The following WDR90 variants were observed in gnomAD, a reference collection of about 807,000 sequenced individuals.
WDR90 encodes the protein WD repeat-containing protein 90.
WDR90 carries 238 observed loss-of-function variants against 195.2 expected under a neutral mutation model. The observed-to-expected ratio is 1.22, with a 90% CI of 1.10 to 1.36. The LOEUF (loss-of-function observed/expected upper bound fraction) is 1.36. WDR90 is among the 40% of genes most tolerant of loss of function. The pLI is 0.00. For missense variants in WDR90, 2,734 were observed against 2,439.5 expected, an observed-to-expected ratio of 1.12 and a Z score of -2.54; for synonymous variants, 1,265 against 1,052.4, an observed-to-expected ratio of 1.20 and a Z score of -3.91.
At chr16:657,315 C>T (rs1447877462) in intron 20 of WDR90, 94 bp downstream of exon 20, 2 of 1,439,828 alleles carry the variant, frequency 1.4e-6, no homozygotes, top group East Asian at 5.0e-5. Flanking sequence ...TGCCGGTTTC[C>T]TGGTGCACCG....
At chr16:663,138 G>T in intron 34 of WDR90, 1 of 529,754 alleles carries the variant, frequency 1.9e-6, no homozygotes, top group Non-Finnish European at 3.6e-6. Context: ...TTTTGTAATT[G>T]TCAAAGAAAT....
intron 33 of WDR90, 33 bp from the exon 34 acceptor site, chr16:662,646 T>C (rs1244125911): frequency 1.3e-6 from 2 of 1,519,568 alleles, no homozygotes; most frequent in Non-Finnish European, 1.8e-6. Context: ...TTGAGACCCA[T>C]TGTTCTCTCC....
chr16:660,857 G>A, intron 28 of WDR90, 143 bp downstream of exon 28: 2 of 1,016,770 alleles, frequency 2.0e-6, no homozygotes, highest in Non-Finnish European at 2.7e-6. Flanking sequence ...GCGCCTCCTG[G>A]CGCTCCAGCC....
rs1490100156 is a variant in WDR90, at chr16:650,164, C to A, written c.276C>A (p.Ser92=). The A allele has an allele frequency of 3.7e-6, 6 of 1,612,790 alleles. No individual in the cohort carries two copies. Among genetic ancestry groups the A allele is most frequent in the Middle Eastern group, 3.3e-4 (2 of 6,062 alleles). ...KHFVIHLDVS[S]KDNQVIRVSF... ...TCGTCATCCACCTCGATGTGTCCTC[C>A]AAGGTACGGAGCCCGCGGCTGGGGG... Residue 92 remains serine, a synonymous_variant, in exon 3 of 41, where the codon TCC becomes TCA. Transcript: ENST00000293879.
chr16:660,899 G>A (rs1159942059), intron 28 of WDR90, 152 bp from the exon 29 acceptor site: 25 of 703,372 alleles, frequency 3.6e-5, no homozygotes, highest in Middle Eastern at 4.1e-4. Flanking sequence ...GCTACTGGAC[G>A]CTGGGGAGGG....
chr16:659,121 A>G lies in WDR90; in HGVS notation c.3047A>G (p.Lys1016Arg). The G allele has an allele frequency of 3.7e-6, 6 of 1,611,774 alleles. No homozygotes were observed. Among genetic ancestry groups the G allele is most frequent in the Non-Finnish European group, 4.2e-6 (5 of 1,179,840 alleles). Residue 1016 changes from lysine to arginine, a missense_variant, in exon 25 of 41, where the codon AAG becomes AGG. By Grantham distance (26) the Lys-to-Arg change is conservative. Coordinates refer to ENST00000293879, the MANE Select transcript of WDR90 (RefSeq NM_145294.5). ...TTCCCCGGGGCCCCCCCAGCCTGCA[A>G]GACAGGTGAGTGGCTGTGCTCAGCT... is the stretch of plus-strand genomic sequence containing the variant. The part of the protein sequence containing the change: ...QSFPGAPPAC[K>R]TGPGAGPLED...
chr16:657,148 C>G lies in WDR90; in HGVS notation c.2400C>G (p.Phe800Leu), dbSNP rs1371643750. The G allele has an allele frequency of 1.3e-6, 2 of 1,570,748 alleles. No individual in the cohort carries two copies. The highest frequency in any genetic ancestry group is 1.8e-5 in the Admixed American group (1 of 54,198). The change falls in exon 20 of 41, where the codon TTC becomes TTG. Residue 800 changes from phenylalanine to leucine, a missense_variant. Transcript: ENST00000293879. Reference sequence around the variant, plus strand: ...CCACCCCTGACGGCCGCCTGCTCTTCAGCTCCTGCTCCCAGGGCTCCCTGG... The same window carrying G: ...CCACCCCTGACGGCCGCCTGCTCTTGAGCTCCTGCTCCCAGGGCTCCCTGG... ...LTATPDGRLL[F>L]SSCSQGSLAQ...
rs372455627 is a variant in WDR90, at chr16:662,254, C to A, written c.4068C>A (p.Ser1356Arg). The A allele has an allele frequency of 5.7e-6, 9 of 1,583,240 alleles. No homozygotes were observed. The highest frequency in any genetic ancestry group is 7.7e-6 in the Non-Finnish European group (9 of 1,165,924). The change falls in exon 33 of 41, where the codon AGC becomes AGA. Residue 1356 changes from serine (S) to arginine (R), a missense_variant. Transcript: ENST00000293879. ...LLLFSGSRLV[S>R]GSSTGRLRLW... The stretch of plus-strand genomic sequence containing the variant: ...TGTTCTCGGGTTCTCGATTGGTCAG[C>A]GGCAGCAGCACGGGGCGGCTGCGCC...
chr16:661,473 A>C lies in WDR90; in HGVS notation c.3645A>C (p.Ser1215=). 6.2e-7 allele frequency: 1 copy of C among 1,608,954 alleles called. No homozygotes were observed. Among genetic ancestry groups the C allele is most frequent in the South Asian group, 1.1e-5 (1 of 90,836 alleles). The part of the protein sequence containing the change: ...HSTTVLALAF[S]PDDRLLVTLG... ...CCACCGTGCTGGCCCTGGCCTTCTC[A>C]CCAGATGACAGGCTTCTTGTCACAC... is the stretch of plus-strand genomic sequence containing the variant. Residue 1215 remains serine (S), a synonymous_variant, in exon 30 of 41, where the codon TCA becomes TCC. Transcript: ENST00000293879.
chr16:657,342 GGGCGT>G, intron 20 of WDR90, 121 bp downstream of exon 20: 1 of 1,390,562 alleles, frequency 7.2e-7, no homozygotes, highest in Non-Finnish European at 9.5e-7. Flanking sequence ...TCCTGTGGGG[GGGCGT>G]GGCCGCCTCA....
Position 658,971 on chromosome 16 carries a change from G to A in WDR90, c.2971G>A (p.Asp991Asn), listed in dbSNP as rs533173769. 2 of 1,612,874 alleles carry A rather than the reference G, an allele frequency of 1.2e-6. No homozygotes were observed. Among genetic ancestry groups the A allele is most frequent in the East Asian group, 2.2e-5 (1 of 44,880 alleles). ...PDQQQVLSAG[D>N]AVFLWDVLAP... ...CCAGCAGCAGGTCCTCAGCGCAGGGGACGCCGTCTTCCTCTGGGATGTCCT... is the reference window on the plus strand; with the variant it reads ...CCAGCAGCAGGTCCTCAGCGCAGGGAACGCCGTCTTCCTCTGGGATGTCCT... The change falls in exon 24 of 41, where the codon GAC becomes AAC. Residue 991 changes from aspartate to asparagine, a missense_variant. Transcript: ENST00000293879.
In WDR90 at chr16:651,181, C is replaced by G. The variant is rs1347576859; in HGVS notation, c.669-18C>G. ...GCCCTTGGGCCCCCAGACACTGACT[C>G]TCCCTCTGCCTGCCAAGGTTTCCAA... is the stretch of plus-strand genomic sequence containing the variant. On this transcript the variant is annotated intron_variant, in intron 6 of 40. Coordinates refer to ENST00000293879, the MANE Select transcript of WDR90 (RefSeq NM_145294.5). The G allele has an allele frequency of 1.9e-6, 3 of 1,613,224 alleles. No homozygotes were observed. Among genetic ancestry groups the G allele is most frequent in the Non-Finnish European group, 2.5e-6 (3 of 1,179,990 alleles).
intron 26 of WDR90, among the ~76,000 whole-genome samples, chr16:659,601 C>G (rs556907914): frequency 6.6e-6 from 1 of 151,090 alleles, no homozygotes; most frequent in South Asian, 2.1e-4. Flanking sequence ...TTTCCTCTCC[C>G]CCTTGGCCCC....
At chr16:665,487 C>T in intron 34 of WDR90, 192 bp from the exon 35 acceptor site, 1 of 845,658 alleles carries the variant, frequency 1.2e-6, no homozygotes. Context: ...TTGGTTTGGA[C>T]TCACCCAGAT....
chr16:653,310 C>T (rs1010980393), intron 10 of WDR90, 31 bp from the exon 11 acceptor site: 6 of 1,468,684 alleles, frequency 4.1e-6, no homozygotes, highest in East Asian at 2.5e-5. Context: ...GGCGTAGCAC[C>T]GGTCCTCAGC....
In WDR90 at chr16:667,549, C is replaced by T; in HGVS notation, c.5207C>T (p.Ala1736Val). Residue 1736 changes from alanine (A) to valine (V), a missense_variant, in exon 41 of 41, where the codon GCC becomes GTC. By Grantham distance (64) the Ala-to-Val change is moderately conservative (BLOSUM62 0). Coordinates refer to ENST00000293879, the MANE Select transcript of WDR90 (RefSeq NM_145294.5). ...TPSARLLFTA[A>V]RNEILVWEVP... is the part of the protein sequence containing the mutation. ...TCCGCCAGGCTGCTCTTCACGGCCGCCCGCAACGAGATCCTTGTGTGGGAG... is the reference window on the plus strand; with the variant it reads ...TCCGCCAGGCTGCTCTTCACGGCCGTCCGCAACGAGATCCTTGTGTGGGAG... 1.2e-6 allele frequency: 2 copies of T among 1,611,336 alleles called. No homozygotes were observed. Among genetic ancestry groups the T allele is most frequent in the East Asian group, 4.5e-5 (2 of 44,886 alleles).
rs775431773 is a variant in WDR90 at position 652,053 on chromosome 16, C to T, written c.1053+14C>T. 1.1e-5 allele frequency: 17 copies of T among 1,576,626 alleles called. No homozygotes were observed. On this transcript the variant is annotated intron_variant, in intron 9 of 40. Coordinates refer to ENST00000293879, the MANE Select transcript of WDR90 (RefSeq NM_145294.5). ...GGCTCCTGCGAAGTGAGTGCCCATCCCACAGCAGGCGGGGCCTGGTGAGGT... is the reference window on the plus strand; with the variant it reads ...GGCTCCTGCGAAGTGAGTGCCCATCTCACAGCAGGCGGGGCCTGGTGAGGT...
intron 1 of WDR90, 103 bp from the exon 2 acceptor site, chr16:649,660 G>T: frequency 8.1e-7 from 1 of 1,228,862 alleles, no homozygotes; most frequent in Non-Finnish European, 1.1e-6. Flanking sequence ...GGAAGGCGCG[G>T]AGAGCCCCGG....
rs758199997 is a variant in WDR90 at position 661,675 on chromosome 16, C to T, written c.3752C>T (p.Pro1251Leu). Residue 1251 changes from proline (P) to leucine (L), a missense_variant, in exon 31 of 41, where the codon CCG becomes CTG. By Grantham distance (98) the Pro-to-Leu change is moderately conservative. Coordinates refer to ENST00000293879, the MANE Select transcript of WDR90 (RefSeq NM_145294.5). The stretch of plus-strand genomic sequence containing the variant: ...GTGTCCTCCACCCGCCTCCCGGAGC[C>T]GGTGCATGGTGTGGCCTTCAACCCC... ...DLVSSTRLPEPVHGVAFNPWD... is the reference protein window; with the variant it reads ...DLVSSTRLPELVHGVAFNPWD... The T allele has an allele frequency of 1.7e-5, 28 of 1,612,062 alleles. No homozygotes were observed. Among genetic ancestry groups the T allele is most frequent in the South Asian group, 5.5e-5 (5 of 91,040 alleles).
Sources: allele counts gnomAD v4.1 joint callset (sites outside exome capture counted in the v4.1 genomes callset), GRCh38; gene constraint gnomAD v4.1.1; transcripts MANE v1.5; gene names NCBI Gene and HGNC (gene_info 2026-07-23, HGNC 2026-07-21).